Variants in FER1L5 observed in about 807,000 individuals in gnomAD.
FER1L5 encodes fer-1 like family member 5.
In FER1L5, 187 loss-of-function variants were observed where a neutral mutation model predicts 279.9. The observed-to-expected ratio is 0.67, with a 90% confidence interval of 0.59 to 0.75. The LOEUF is 0.75. Ranked by LOEUF, FER1L5 falls within the 30% of genes least tolerant of loss-of-function variation. The probability of loss-of-function intolerance (pLI) is 0.00; values close to 1 mark genes in which losing one functional copy is unlikely to be tolerated. For missense variants in FER1L5, 2,091 were observed against 2,594.4 expected, an observed-to-expected ratio of 0.81 and a Z score of 4.21; for synonymous variants, 921 against 989.7, an observed-to-expected ratio of 0.93 and a Z score of 1.30.
At chr2:96,659,320 T>TCCTG (rs2075750643) in intron 9 of FER1L5, among the ~76,000 whole-genome samples, 2 of 62,860 alleles carry the variant, frequency 3.2e-5, no homozygotes, top group Non-Finnish European at 6.0e-5. Flanking sequence ...CTTCCTTCCT[T>TCCTG]CCTTCCTTCC....
chr2:96,695,709 T>A, intron 35 of FER1L5, 33 bp from the exon 36 acceptor site: 1 of 1,608,718 alleles, frequency 6.2e-7, no homozygotes, highest in South Asian at 1.1e-5. Context: ...CTTCTGTGGG[T>A]CTCACGCTCC....
chr2:96,675,624 G>C (rs895496986), intron 19 of FER1L5, among the ~76,000 whole-genome samples: 2 of 152,058 alleles, frequency 1.3e-5, no homozygotes, highest in Non-Finnish European at 2.9e-5. Flanking sequence ...ATGGGGTTTT[G>C]CCATGTTGGC....
At chr2:96,695,927 T>C in intron 36 of FER1L5, 23 bp downstream of exon 36, 1 of 1,612,182 alleles carries the variant, frequency 6.2e-7, no homozygotes, top group Non-Finnish European at 8.5e-7. Flanking sequence ...CTCCGTGCCT[T>C]TCCCCAGGCC....
At chr2:96,645,547 G>T (rs2075082733) in intron 1 of FER1L5, among the ~76,000 whole-genome samples, 1 of 152,202 alleles carries the variant, frequency 6.6e-6, no homozygotes, top group Admixed American at 6.5e-5. Context: ...CAACAATTTG[G>T]GAGGCCGAGG....
chr2:96,662,141 G>T (rs138985357), intron 12 of FER1L5, 74 bp from the exon 13 acceptor site: 20 of 1,451,880 alleles, frequency 1.4e-5, no homozygotes, highest in Non-Finnish European at 1.8e-5. Context: ...GTTTTCAGTT[G>T]TTCTGTCGCC....
chr2:96,689,858 A>G lies in FER1L5; in HGVS notation c.2640+100A>G. 6 of 1,049,746 alleles carry G rather than the reference A, an allele frequency of 5.7e-6. No homozygotes were observed. The highest frequency in any genetic ancestry group is 8.2e-6 in the Non-Finnish European group (6 of 731,654). The allele number at this position is 1,049,746 out of a possible 1,614,324, so 65.0% of individuals were successfully genotyped here. A position where few individuals can be genotyped will look rare whatever the true frequency, so the allele number is the denominator to read the frequency against. ...TCCCAGTGGAAAGGGTCTGAGCCCT[A>G]TGCCCTGCACTATGTGTGGGGCCCC... is the stretch of plus-strand genomic sequence containing the variant. On this transcript the variant is annotated intron_variant, in intron 26 of 52. Coordinates refer to ENST00000624922, the MANE Select transcript of FER1L5 (RefSeq NM_001293083.2). This position sits in a 1 kb window ranked among gnomAD's most constrained non-coding sequence, Gnocchi z 4.6.
rs111563179 is a variant in FER1L5, at chr2:96,688,585, C to T, written c.2362-628C>T. Among the ~76,000 whole-genome samples, 362 of 152,268 alleles carry T rather than the reference C, an allele frequency of 2.4e-3. 1 individual carries two copies. The highest frequency in any genetic ancestry group is 0.023 in the South Asian group (112 of 4,826). On this transcript the variant is annotated intron_variant, in intron 24 of 52. Transcript: ENST00000624922. ...CAGCAGAGGGGAAATAAGGTTTGAGCGTCAGGCTTTTTAACTTACTGAATT... is the reference window on the plus strand; with the variant it reads ...CAGCAGAGGGGAAATAAGGTTTGAGTGTCAGGCTTTTTAACTTACTGAATT...
rs2075306446 is a variant in FER1L5 at position 96,650,247 on chromosome 2, C to T, written c.462C>T (p.Ser154=). Residue 154 remains serine (S), a synonymous_variant, in exon 6 of 53, where the codon TCC becomes TCT. Transcript: ENST00000624922. ...GTCAGAAACTGATGGTCCCTGGCTC[C>T]ACTGCGCACAGGGCTCTGTCCTCAA... ...AASQKLMVPG[S]TAHRALSSKP... The T allele has an allele frequency of 6.4e-7, 1 of 1,551,626 alleles. No homozygotes were observed. The highest frequency in any genetic ancestry group is 8.7e-7 in the Non-Finnish European group (1 of 1,147,010).
chr2:96,659,478 T>C (rs575932578), intron 9 of FER1L5, among the ~76,000 whole-genome samples: 13 of 31,106 alleles, frequency 4.2e-4, no homozygotes, highest in Non-Finnish European at 5.9e-4. Flanking sequence ...TCTTTCTTTC[T>C]TTCTTTCTTT....
At chr2:96,648,932 G>C (rs755443996) in intron 4 of FER1L5, among the ~76,000 whole-genome samples, 3 of 152,106 alleles carry the variant, frequency 2.0e-5, no homozygotes, top group Non-Finnish European at 4.4e-5. Context: ...GAAGAGGCTT[G>C]AGTTTTCCCA....
intron 19 of FER1L5, among the ~76,000 whole-genome samples, 164 bp downstream of exon 19, chr2:96,673,418 C>CTG (rs36064340): frequency 0.77 from 116,691 of 151,814 alleles, 46,069 homozygotes; most frequent in African/African-American, 0.94. Flanking sequence ...ATTTGCCAAA[C>CTG]TATAGCTAGC....
intron 19 of FER1L5, among the ~76,000 whole-genome samples, chr2:96,681,813 G>A (rs1328236827): frequency 8.2e-6 from 1 of 122,582 alleles, no homozygotes; most frequent in African/African-American, 2.7e-5. Flanking sequence ...TATTTGAGAA[G>A]GAGTCTCACT....
In FER1L5 at chr2:96,704,653, G is replaced by C. The variant is rs755575297; in HGVS notation, c.6135G>C (p.Leu2045=). The C allele has an allele frequency of 6.2e-7, 1 of 1,613,976 alleles. No individual in the cohort carries two copies. The change falls in exon 53 of 53, where the codon CTG becomes CTC. Residue 2045 remains leucine (L), a synonymous_variant. Transcript: ENST00000624922. The stretch of plus-strand genomic sequence containing the variant: ...TCCACCCAGGACCCACAAATCACCT[G>C]AGTGATATTTTCCCAGAACTTCCAG... ...WKLHPGPTNH[L]SDIFPELPAP...
chr2:96,673,720 G>A (rs1037368286), intron 19 of FER1L5, among the ~76,000 whole-genome samples: 6 of 151,958 alleles, frequency 3.9e-5, no homozygotes, highest in African/African-American at 1.2e-4. Flanking sequence ...ATAGAGCAGC[G>A]GCTCTCAGAG....
chr2:96,659,428 T>A (rs1294949061), intron 9 of FER1L5, among the ~76,000 whole-genome samples: 1 of 14,328 alleles, frequency 7.0e-5, no homozygotes, highest in Non-Finnish European at 1.2e-4. Context: ...TTTCTTTCTT[T>A]CTTTCTTTCT....
At position 96,691,295 on chromosome 2, in the gene FER1L5, G is replaced by C. The variant is rs781178713; in HGVS notation, c.2849G>C (p.Arg950Pro). ...CGCCGCCGGCGCTGGGCGCGTGTGC[G>C]CTTCAGGAACCATGGGGAGCTGAGC... ...SCRRRRWARV[R>P]FRNHGELSHE... Residue 950 changes from arginine to proline, a missense_variant, in exon 28 of 53, where the codon CGC (arginine) becomes CCC (proline). By Grantham distance (103) the Arg-to-Pro change is moderately radical. Coordinates refer to ENST00000624922, the MANE Select transcript of FER1L5 (RefSeq NM_001293083.2). This position sits in a 1 kb window ranked among gnomAD's most constrained non-coding sequence, Gnocchi z 6.0. 6.4e-7 allele frequency: 1 copy of C among 1,550,542 alleles called. No homozygotes were observed.
Position 96,695,603 on chromosome 2 carries a change from G to A in FER1L5, c.3836G>A (p.Arg1279Lys). The A allele has an allele frequency of 1.2e-6, 2 of 1,602,028 alleles. No individual in the cohort carries two copies. Among genetic ancestry groups the A allele is most frequent in the African/African-American group, 2.7e-5 (2 of 74,778 alleles). Residue 1279 changes from arginine (R) to lysine (K), a missense_variant, in exon 35 of 53, where the codon AGG becomes AAG. Coordinates refer to ENST00000624922, the MANE Select transcript of FER1L5 (RefSeq NM_001293083.2). The stretch of plus-strand genomic sequence containing the variant: ...GAGTCCCTGAGGACAGAACCCATCA[G>A]GGACTTTCAGACCAACCCCAACTTC... ...GEESLRTEPI[R>K]DFQTNPNFPE...
At chr2:96,686,961 C>T (rs2076954131) in intron 23 of FER1L5, among the ~76,000 whole-genome samples, 2 of 151,926 alleles carry the variant, frequency 1.3e-5, no homozygotes, top group Non-Finnish European at 2.9e-5. Flanking sequence ...TGGACCGTGA[C>T]GGGGTGATCT....
intron 9 of FER1L5, among the ~76,000 whole-genome samples, chr2:96,656,201 C>G (rs1171083914): frequency 1.3e-5 from 2 of 152,152 alleles, no homozygotes; most frequent in African/African-American, 2.4e-5. Flanking sequence ...GTATGTATTG[C>G]AAAAACATAA....
Sources: gnomAD v4.1 joint callset for allele counts (sites outside exome capture counted in the v4.1 genomes callset) on GRCh38, gnomAD v4.1.1 for gene constraint, Gnocchi (gnomAD v3.1) non-coding constraint, MANE v1.5 for transcripts, NCBI Gene and HGNC (gene_info 2026-07-23, HGNC 2026-07-21) for gene names.